Variants in GFRA2 observed in about 807,000 individuals in gnomAD.
GFRA2 encodes GDNF family receptor alpha-2.
GFRA2 carries 17 observed loss-of-function variants against 48.3 expected under a neutral mutation model. The ratio of observed to expected loss-of-function variants is 0.35; its 90% CI spans 0.24 to 0.53. The LOEUF is 0.53. Ranked by LOEUF, GFRA2 falls within the 20% of genes least tolerant of loss-of-function variation. GFRA2 has a pLI of 0.93. For synonymous variants in GFRA2, 305 were observed against 257.2 expected, an observed-to-expected ratio of 1.19 and a Z score of -1.78; for missense variants, 660 against 637.3, an observed-to-expected ratio of 1.04 and a Z score of -0.38.
chr8:21,761,677 C>A (rs745367587), intron 3 of GFRA2, among the ~76,000 whole-genome samples: 3 of 152,048 alleles, frequency 2.0e-5, no homozygotes, highest in East Asian at 1.9e-4. Flanking sequence ...TGGCTGGGTG[C>A]GGTTGCTCAC....
chr8:21,756,554 C>T (rs1185236575), intron 3 of GFRA2, among the ~76,000 whole-genome samples: 1 of 152,190 alleles, frequency 6.6e-6, no homozygotes, highest in Non-Finnish European at 1.5e-5. Flanking sequence ...AAACTGGACA[C>T]ACATTCCTTC....
chr8:21,803,901 G>A (rs1807813302), intron 2 of GFRA2, among the ~76,000 whole-genome samples: 2 of 152,126 alleles, frequency 1.3e-5, no homozygotes, highest in Admixed American at 1.3e-4. Flanking sequence ...GAGCCACTGT[G>A]CATGGCCCAT....
At chr8:21,745,976 G>A (rs926511797) in intron 4 of GFRA2, among the ~76,000 whole-genome samples, 30 of 152,172 alleles carry the variant, frequency 2.0e-4, no homozygotes, top group Admixed American at 5.2e-4. Context: ...AGGAGCAGAG[G>A]GAGAAAGCAG....
At chr8:21,759,028 G>C (rs1037087119) in intron 3 of GFRA2, among the ~76,000 whole-genome samples, 2 of 152,142 alleles carry the variant, frequency 1.3e-5, no homozygotes, top group Admixed American at 6.5e-5. Flanking sequence ...CTGTGTGCAG[G>C]AAAGAAAGAA....
intron 4 of GFRA2, among the ~76,000 whole-genome samples, chr8:21,714,651 A>G (rs1314283310): frequency 6.6e-6 from 1 of 152,110 alleles, no homozygotes; most frequent in Non-Finnish European, 1.5e-5. Flanking sequence ...TTTACTGAGG[A>G]CCTACTATGT....
intron 3 of GFRA2, 119 bp from the exon 4 acceptor site, chr8:21,751,061 C>T: frequency 1.4e-6 from 1 of 713,486 alleles, no homozygotes; most frequent in Non-Finnish European, 2.4e-6. Flanking sequence ...TGCTCTGTGC[C>T]TCAGTTTCCC....
chr8:21,775,991 G>GTGTGTT (rs1270650840), intron 2 of GFRA2, among the ~76,000 whole-genome samples: 50 of 13,212 alleles, frequency 3.8e-3, no homozygotes, highest in African/African-American at 9.7e-3. Flanking sequence ...CTCATCCTCT[G>GTGTGTT]TGTGTGTGTG....
At chr8:21,807,679 C>T (rs1807897854) in intron 1 of GFRA2, among the ~76,000 whole-genome samples, 1 of 152,180 alleles carries the variant, frequency 6.6e-6, no homozygotes, top group Admixed American at 6.5e-5. Context: ...TGTGTCTCCT[C>T]ATGTGTCCAA....
At chr8:21,787,271 GC>G (rs1452225597) in intron 1 of GFRA2, among the ~76,000 whole-genome samples, 11,141 of 118,622 alleles carry the variant, frequency 0.094, 1,475 homozygotes, top group African/African-American at 0.27. Flanking sequence ...GGCGGGGGGG[GC>G]AGTGGGGGGG....
chr8:21,704,540 C>T (rs1182562902), intron 6 of GFRA2, among the ~76,000 whole-genome samples: 1 of 152,186 alleles, frequency 6.6e-6, no homozygotes, highest in Non-Finnish European at 1.5e-5. Context: ...GGGTGCTGGG[C>T]TGGAAAGATC....
At chr8:21,706,521 C>A (rs1442641032) in intron 4 of GFRA2, 3 of 440,448 alleles carry the variant, frequency 6.8e-6, no homozygotes, top group Non-Finnish European at 1.4e-5. Flanking sequence ...TAGGACCTAT[C>A]TGAGGGTCAA....
intron 2 of GFRA2, 132 bp from the exon 3 acceptor site, chr8:21,775,187 G>A: frequency 4.7e-6 from 3 of 633,112 alleles, no homozygotes; most frequent in Non-Finnish European, 8.7e-6. Flanking sequence ...AGACAGGGCA[G>A]CCCTTCCCAA....
intron 2 of GFRA2, among the ~76,000 whole-genome samples, chr8:21,796,395 C>T (rs1408287935): frequency 6.6e-6 from 1 of 152,230 alleles, no homozygotes; most frequent in Non-Finnish European, 1.5e-5. Flanking sequence ...CTCCTGCTGC[C>T]TGACGCCCCC....
At position 21,782,760 on chromosome 8, in the gene GFRA2, C is replaced by T. The variant is rs1807074505; in HGVS notation, c.180G>A (p.Leu60=). ...GGTCGCGGCCTGCCAGGCACTGCCG[C>T]AGAGTGCGGTAGCGAGAGCTGCAGT... The part of the protein sequence containing the change: ...ESNCSSRYRT[L]RQCLAGRDRN... Residue 60 remains leucine (L), a synonymous_variant, in exon 2 of 9, where the codon CTG becomes CTA. Coordinates refer to ENST00000524240, the MANE Select transcript of GFRA2 (RefSeq NM_001495.5). The T allele has an allele frequency of 1.3e-6, 2 of 1,595,752 alleles. No individual in the cohort carries two copies. Among genetic ancestry groups the T allele is most frequent in the Admixed American group, 1.7e-5 (1 of 57,728 alleles).
chr8:21,697,699 T>C (rs536904124), intron 7 of GFRA2, among the ~76,000 whole-genome samples: 1 of 152,224 alleles, frequency 6.6e-6, no homozygotes, highest in African/African-American at 2.4e-5. Flanking sequence ...CATCTTGAAT[T>C]GTAGCTCCTA....
intron 7 of GFRA2, among the ~76,000 whole-genome samples, chr8:21,697,135 G>A: frequency 6.6e-6 from 1 of 150,582 alleles, no homozygotes; most frequent in Non-Finnish European, 1.5e-5. Context: ...GAAGGGGGAG[G>A]GGACAGAGGG....
At chr8:21,760,614 C>T (rs944421233) in intron 3 of GFRA2, among the ~76,000 whole-genome samples, 1 of 152,076 alleles carries the variant, frequency 6.6e-6, no homozygotes, top group African/African-American at 2.4e-5. Flanking sequence ...TATTAGATGT[C>T]GAAGCAGGGA....
At chr8:21,711,746 T>A (rs1415289542) in intron 4 of GFRA2, among the ~76,000 whole-genome samples, 1 of 147,066 alleles carries the variant, frequency 6.8e-6, no homozygotes, top group Non-Finnish European at 1.5e-5. Context: ...TTTGGCAGGG[T>A]CATAAGACAA....
chr8:21,799,869 C>T (rs1252135997), intron 2 of GFRA2, among the ~76,000 whole-genome samples: 1 of 152,178 alleles, frequency 6.6e-6, no homozygotes, highest in Non-Finnish European at 1.5e-5. Flanking sequence ...AAGCAAGGCT[C>T]TCGGGGTGGG....
Sources: gnomAD v4.1 joint callset for allele counts (sites outside exome capture counted in the v4.1 genomes callset) on GRCh38, gnomAD v4.1.1 for gene constraint, MANE v1.5 for transcripts, NCBI Gene and HGNC (gene_info 2026-07-23, HGNC 2026-07-21) for gene names.